Variants in ZNF160 observed in about 807,000 individuals in gnomAD.
The protein encoded by ZNF160 is KRAB zinc finger protein KR18.
A neutral mutation model predicts 13.1 loss-of-function variants in ZNF160; 9 were observed. That is an observed-to-expected ratio of 0.69 (90% CI 0.41 to 1.20). The LOEUF (loss-of-function observed/expected upper bound fraction) is 1.20, where lower values mean the gene tolerates loss of function less well. Ranked by LOEUF, ZNF160 falls within the 50% of genes most tolerant of loss-of-function variation. ZNF160 has a pLI of 0.01. For synonymous variants in ZNF160, 293 were observed against 333.2 expected (o/e 0.88, Z 1.31); for missense variants, 838 against 988.0 (o/e 0.85, Z 2.04).
intron 2 of ZNF160, among the ~76,000 whole-genome samples, chr19:53,088,519 T>A (rs6509721): frequency 0.095 from 13,591 of 143,594 alleles, 927 homozygotes; most frequent in African/African-American, 0.2. Flanking sequence ...TATTTTTATT[T>A]AAAAAAAAAA....
chr19:53,071,804 T>TA (rs2084187110), intron 5 of ZNF160, among the ~76,000 whole-genome samples: 1 of 152,040 alleles, frequency 6.6e-6, no homozygotes, highest in African/African-American at 2.4e-5. Flanking sequence ...GCCAAAAACA[T>TA]ATGGCTATCT....
chr19:53,076,801 C>G (rs11666520), intron 3 of ZNF160: 11,414 of 152,264 alleles, frequency 0.075, 462 homozygotes, highest in Middle Eastern at 0.19. Flanking sequence ...TTTTGAAACA[C>G]CTGCTCACCT....
chr19:53,075,415 T>A, intron 3 of ZNF160: 1 of 477,564 alleles, frequency 2.1e-6, no homozygotes, highest in South Asian at 2.1e-5. Flanking sequence ...AATGGGATAA[T>A]TGGTGTCTGG....
intron 3 of ZNF160, among the ~76,000 whole-genome samples, chr19:53,078,755 A>C (rs1190308032): frequency 6.6e-6 from 1 of 152,070 alleles, no homozygotes; most frequent in Non-Finnish European, 1.5e-5. Flanking sequence ...AGAAAGAAAA[A>C]ATCTGTATAC....
At chr19:53,088,442 G>C (rs1370146707) in intron 2 of ZNF160, among the ~76,000 whole-genome samples, 1 of 139,886 alleles carries the variant, frequency 7.1e-6, no homozygotes, top group Non-Finnish European at 1.6e-5. Flanking sequence ...GGAGGTTGAG[G>C]TGGAAAGACT....
Position 53,091,567 on chromosome 19 carries a change from G to T in ZNF160, c.-200C>A, listed in dbSNP as rs1226622869. 6.6e-6 allele frequency: 1 copy of T among 152,246 alleles called. No individual in the cohort carries two copies. The highest frequency in any genetic ancestry group is 1.5e-5 in the Non-Finnish European group (1 of 68,094). 9.4% of individuals were successfully genotyped at this position (152,246 alleles called of 1,614,324 possible). A position where few individuals can be genotyped will look rare whatever the true frequency, so the allele number is the denominator to read the frequency against. On this transcript the variant is annotated 5_prime_UTR_variant, in exon 2 of 6. Transcript: ENST00000683776. ...GTGGGCGGGGGACTTGGGGAAAGGGGGCGGTGCCTGCGCTCCCCTCCCTCT... is the reference window on the plus strand; with the variant it reads ...GTGGGCGGGGGACTTGGGGAAAGGGTGCGGTGCCTGCGCTCCCCTCCCTCT...
intron 3 of ZNF160, chr19:53,084,966 T>G (rs1302337161): frequency 6.3e-6 from 1 of 157,676 alleles, no homozygotes; most frequent in Non-Finnish European, 1.4e-5. Context: ...TTTTTTTTTT[T>G]TTTTTGAGAC....
At chr19:53,089,498 G>A (rs2084958295) in intron 2 of ZNF160, among the ~76,000 whole-genome samples, 1 of 152,148 alleles carries the variant, frequency 6.6e-6, no homozygotes, top group Non-Finnish European at 1.5e-5. Flanking sequence ...GGAAATGGAG[G>A]AAGAGCGTGG....
At chr19:53,097,789 T>A (rs2085291645) in intron 1 of ZNF160, among the ~76,000 whole-genome samples, 1 of 152,196 alleles carries the variant, frequency 6.6e-6, no homozygotes, top group Non-Finnish European at 1.5e-5. Context: ...ATCTCTGAGA[T>A]TCTTCCTATC....
intron 1 of ZNF160, among the ~76,000 whole-genome samples, chr19:53,093,027 G>C (rs1275282088): frequency 6.6e-6 from 1 of 152,194 alleles, no homozygotes; most frequent in African/African-American, 2.4e-5. Context: ...ATTGAGAATA[G>C]TAGGGGTGAA....
intron 3 of ZNF160, among the ~76,000 whole-genome samples, chr19:53,078,264 G>T (rs769968187): frequency 9.9e-5 from 15 of 151,638 alleles, no homozygotes; most frequent in Non-Finnish European, 1.8e-4. Flanking sequence ...CACAAAATTA[G>T]CTGGGTGTAG....
intron 1 of ZNF160, among the ~76,000 whole-genome samples, chr19:53,099,386 T>C (rs892820960): frequency 6.6e-6 from 1 of 152,052 alleles, no homozygotes; most frequent in Non-Finnish European, 1.5e-5. Context: ...GAGGGAGTCA[T>C]GAGATGAGGG....
chr19:53,092,881 T>C (rs1204539771), intron 1 of ZNF160, among the ~76,000 whole-genome samples: 3 of 152,150 alleles, frequency 2.0e-5, no homozygotes, highest in African/African-American at 7.2e-5. Flanking sequence ...TGGGATAGAT[T>C]TGGGGACTTT....
At chr19:53,076,125 T>G (rs2084378059) in intron 3 of ZNF160, among the ~76,000 whole-genome samples, 2 of 152,254 alleles carry the variant, frequency 1.3e-5, no homozygotes, top group African/African-American at 4.8e-5. Context: ...TAAGGACTTT[T>G]GAGCAAGTTA....
At chr19:53,079,883 C>T (rs913919284) in intron 3 of ZNF160, among the ~76,000 whole-genome samples, 1 of 151,854 alleles carries the variant, frequency 6.6e-6, no homozygotes, top group African/African-American at 2.4e-5. Context: ...TCCAGGAGTT[C>T]GAGACCAACA....
intron 3 of ZNF160, among the ~76,000 whole-genome samples, chr19:53,083,236 C>T (rs1216405948): frequency 6.6e-6 from 1 of 152,156 alleles, no homozygotes. Flanking sequence ...TCTCCCCCTC[C>T]CTGGTAGCTG....
chr19:53,086,647 A>G (rs1171926484), intron 2 of ZNF160, among the ~76,000 whole-genome samples: 2 of 152,156 alleles, frequency 1.3e-5, no homozygotes, highest in Non-Finnish European at 2.9e-5. Context: ...CCCATGCAGA[A>G]CACAGCCCCC....
chr19:53,102,086 G>A (rs2085467582), intron 1 of ZNF160, among the ~76,000 whole-genome samples: 1 of 151,814 alleles, frequency 6.6e-6, no homozygotes, highest in Admixed American at 6.6e-5. Context: ...ACGATGTTGT[G>A]CCTCTTTTTT....
rs765318938 is a variant in ZNF160 at position 53,069,866 on chromosome 19, AT to A, written c.667del (p.Ile223PhefsTer78). The A allele has an allele frequency of 1.2e-6, 2 of 1,614,126 alleles. No individual in the cohort carries two copies. On this transcript the variant is annotated frameshift_variant, in exon 6 of 6. Coordinates refer to ENST00000683776, the MANE Select transcript of ZNF160 (RefSeq NM_001322131.2). LOFTEE classifies it low-confidence loss of function (END_TRUNC). The surrounding 1 kb of genome is among the most constrained non-coding windows in gnomAD (Gnocchi z 4.4). The part of the protein sequence containing the change: ...NGSSVSPLQQ[I>X]PSSVQTHRSK... ...CCTGTGGGTTTGGACACTAGAAGGA[AT>A]TTGTTGAAGTGGTGACACTGAGGAA...
Sources: gnomAD v4.1 joint callset for allele counts (sites outside exome capture counted in the v4.1 genomes callset) on GRCh38, gnomAD v4.1.1 for gene constraint, Gnocchi (gnomAD v3.1) non-coding constraint, MANE v1.5 for transcripts, NCBI Gene and HGNC (gene_info 2026-07-23, HGNC 2026-07-21) for gene names.